Variants in CAMTA1 observed in about 807,000 individuals in gnomAD.
The protein encoded by CAMTA1 is calmodulin-binding transcription activator 1.
CAMTA1 carries 27 observed loss-of-function variants against 170.9 expected under a neutral mutation model. The observed-to-expected ratio is 0.16, with a 90% CI of 0.12 to 0.22. The LOEUF (loss-of-function observed/expected upper bound fraction) is 0.22, where lower values mean the gene tolerates loss of function less well. CAMTA1 is among the 10% of genes least tolerant of loss of function. The probability of loss-of-function intolerance (pLI) is 1.00; values close to 1 mark genes in which losing one functional copy is unlikely to be tolerated. For synonymous variants in CAMTA1, 833 were observed against 891.5 expected, an observed-to-expected ratio of 0.93 and a Z score of 1.17; for missense variants, 1,619 against 2,217.2, an observed-to-expected ratio of 0.73 and a Z score of 5.42.
chr1:7,394,938 A>G (rs563148391), intron 5 of CAMTA1, among the ~76,000 whole-genome samples: 30 of 149,990 alleles, frequency 2.0e-4, no homozygotes, highest in Non-Finnish European at 3.5e-4. Flanking sequence ...GCTGCAATGC[A>G]GTGGTGCAAT....
chr1:6,982,702 C>T (rs1694645632), intron 3 of CAMTA1, among the ~76,000 whole-genome samples: 1 of 152,178 alleles, frequency 6.6e-6, no homozygotes, highest in Non-Finnish European at 1.5e-5. Context: ...CTTTAAGCTC[C>T]TCAGTGCTGC....
intron 7 of CAMTA1, among the ~76,000 whole-genome samples, chr1:7,658,835 A>C (rs2095929038): frequency 6.6e-6 from 1 of 152,228 alleles, no homozygotes; most frequent in Non-Finnish European, 1.5e-5. Flanking sequence ...GCTGTCAGGG[A>C]CAAGGTGCTT....
chr1:7,019,702 G>A (rs11809898), intron 3 of CAMTA1, among the ~76,000 whole-genome samples: 23,245 of 152,188 alleles, frequency 0.15, 2,049 homozygotes, highest in African/African-American at 0.24. Flanking sequence ...AATGTTCATC[G>A]AGATGGAAAA....
intron 5 of CAMTA1, among the ~76,000 whole-genome samples, chr1:7,290,285 C>A (rs978783723): frequency 6.6e-6 from 1 of 152,204 alleles, no homozygotes; most frequent in African/African-American, 2.4e-5. Flanking sequence ...CTTTTTCCTG[C>A]ATCATATTCA....
Position 7,736,207 on chromosome 1 carries a change from T to G in CAMTA1, c.3067-137T>G. ...GGCATGATCCAGCATGCCCAGCCAA[T>G]GTTTCTTTATTTTCAGTGTTTTATG... On this transcript the variant is annotated intron_variant, in intron 12 of 22. Coordinates refer to ENST00000303635, the MANE Select transcript of CAMTA1 (RefSeq NM_015215.4). This position sits in a 1 kb window ranked among gnomAD's most constrained non-coding sequence, Gnocchi z 4.5. 2.1e-5 allele frequency: 16 copies of G among 770,940 alleles called. No homozygotes were observed. Among genetic ancestry groups the G allele is most frequent in the Non-Finnish European group, 2.9e-5 (14 of 481,624 alleles). 47.8% of individuals were successfully genotyped at this position (770,940 alleles called of 1,614,324 possible).
At chr1:7,537,139 C>T (rs1238017842) in intron 6 of CAMTA1, among the ~76,000 whole-genome samples, 2 of 152,192 alleles carry the variant, frequency 1.3e-5, no homozygotes, top group Admixed American at 6.5e-5. Flanking sequence ...AGAAATGCAG[C>T]ATTCGGAGCT....
chr1:7,068,996 C>T (rs1638237122), intron 3 of CAMTA1, among the ~76,000 whole-genome samples: 1 of 152,174 alleles, frequency 6.6e-6, no homozygotes, highest in African/African-American at 2.4e-5. Context: ...GAGGAATGGC[C>T]AAGCTGGACG....
At chr1:7,696,265 C>T (rs1414371395) in intron 11 of CAMTA1, among the ~76,000 whole-genome samples, 2 of 152,120 alleles carry the variant, frequency 1.3e-5, no homozygotes, top group African/African-American at 4.8e-5. Context: ...GGCGCAATCT[C>T]GGCTCATTGC....
rs988425406 is a variant in CAMTA1, at chr1:7,580,545, G to A, written c.511-59855G>A. Among the ~76,000 whole-genome samples the A allele has an allele frequency of 5.3e-5, 8 of 152,112 alleles. No homozygotes were observed. The highest frequency in any genetic ancestry group is 1.3e-4 in the Admixed American group (2 of 15,276). On this transcript the variant is annotated intron_variant, in intron 6 of 22. Transcript: ENST00000303635. The surrounding 1 kb of genome is among the most constrained non-coding windows in gnomAD (Gnocchi z 4.3). Reference sequence around the variant, plus strand: ...CTTCCCATGAGCCAGGTGGCAGACAGGACACCCGCACATGGAGGAACCACT... The same window carrying A: ...CTTCCCATGAGCCAGGTGGCAGACAAGACACCCGCACATGGAGGAACCACT...
chr1:7,498,389 GTGAGTGAATGTGTA>G (rs1383315925), intron 6 of CAMTA1, among the ~76,000 whole-genome samples: 4 of 150,172 alleles, frequency 2.7e-5, no homozygotes, highest in African/African-American at 9.7e-5. Context: ...GTGGATGTGT[GTGAGTGAATGTGTA>G]TGAGTGTGTA....
At chr1:6,842,367 A>G (rs1353509981) in intron 3 of CAMTA1, among the ~76,000 whole-genome samples, 1 of 152,218 alleles carries the variant, frequency 6.6e-6, no homozygotes, top group East Asian at 1.9e-4. Context: ...TAGTCCAGTC[A>G]GTGCTCCTCC....
rs141950800 is a variant in CAMTA1, at chr1:6,984,437, C to T, written c.235-106867C>T. On this transcript the variant is annotated intron_variant, in intron 3 of 22. Transcript: ENST00000303635. Reference sequence around the variant, plus strand: ...AGACCAGCCTGGCCAACATGATGAACCCCGTCTCTAACAGAAATACAAAAA... The same window carrying T: ...AGACCAGCCTGGCCAACATGATGAATCCCGTCTCTAACAGAAATACAAAAA... Among the ~76,000 whole-genome samples, 338 of 152,048 alleles carry T rather than the reference C, an allele frequency of 2.2e-3. 1 individual carries two copies. Among genetic ancestry groups the T allele is most frequent in the African/African-American group, 7.7e-3 (319 of 41,464 alleles).
At chr1:6,841,145 C>G (rs533919133) in intron 3 of CAMTA1, among the ~76,000 whole-genome samples, 2 of 152,334 alleles carry the variant, frequency 1.3e-5, no homozygotes, top group African/African-American at 4.8e-5. Context: ...TGACCCTGCT[C>G]TCTTCTCATT....
intron 4 of CAMTA1, among the ~76,000 whole-genome samples, chr1:7,106,251 G>A (rs1643572454): frequency 6.7e-6 from 1 of 150,304 alleles, no homozygotes; most frequent in Non-Finnish European, 1.5e-5. Context: ...AGGGAGGGAG[G>A]AAGGGAGAGA....
intron 3 of CAMTA1, among the ~76,000 whole-genome samples, chr1:6,923,416 A>G (rs1379186559): frequency 6.6e-6 from 1 of 152,196 alleles, no homozygotes; most frequent in Non-Finnish European, 1.5e-5. Flanking sequence ...GGGAACAGAG[A>G]TGCCCTCAAG....
At chr1:7,597,034 A>T (rs1473652251) in intron 6 of CAMTA1, among the ~76,000 whole-genome samples, 1 of 152,094 alleles carries the variant, frequency 6.6e-6, no homozygotes, top group East Asian at 1.9e-4. Context: ...GGCCTTGGAC[A>T]TTGTTGGCAT....
chr1:6,849,146 C>T (rs779636749), intron 3 of CAMTA1, among the ~76,000 whole-genome samples: 8 of 151,980 alleles, frequency 5.3e-5, no homozygotes, highest in African/African-American at 9.7e-5. Context: ...GATCCTTTCA[C>T]GGTGAAGGAG....
intron 5 of CAMTA1, among the ~76,000 whole-genome samples, chr1:7,351,867 A>G (rs1216936539): frequency 6.6e-6 from 1 of 152,228 alleles, no homozygotes; most frequent in African/African-American, 2.4e-5. Context: ...CGTTATTACT[A>G]CCAAATCATG....
At chr1:7,616,482 A>G (rs899158767) in intron 6 of CAMTA1, among the ~76,000 whole-genome samples, 51 of 152,376 alleles carry the variant, frequency 3.3e-4, no homozygotes, top group Non-Finnish European at 6.5e-4. Flanking sequence ...CGGTCAGCCC[A>G]GGACTGCAAG....
Sources: allele counts gnomAD v4.1 joint callset (sites outside exome capture counted in the v4.1 genomes callset), GRCh38; gene constraint gnomAD v4.1.1; non-coding constraint Gnocchi (gnomAD v3.1); transcripts MANE v1.5; gene names NCBI Gene and HGNC (gene_info 2026-07-23, HGNC 2026-07-21).